INKA2: variants seen among roughly 807,000 people sequenced by gnomAD.
The protein encoded by INKA2 is PAK4-inhibitor INKA2.
INKA2 carries 3 observed loss-of-function variants against 9.8 expected under a neutral mutation model. The ratio of observed to expected loss-of-function variants is 0.31; its 90% CI spans 0.14 to 0.79. INKA2 has a LOEUF of 0.79. Among genes scored for constraint, INKA2 ranks in the 30% least tolerant of loss-of-function variants. The probability of loss-of-function intolerance (pLI) is 0.62; values close to 1 mark genes in which losing one functional copy is unlikely to be tolerated. For synonymous variants in INKA2, 147 were observed against 143.3 expected (o/e 1.03, Z -0.18); for missense variants, 392 against 384.4 (o/e 1.02, Z -0.17).
chr1:111,740,710 C>A (rs1557913643), upstream of INKA2, among the ~76,000 whole-genome samples: 1 of 152,092 alleles, frequency 6.6e-6, no homozygotes, highest in Non-Finnish European at 1.5e-5. Flanking sequence ...GGGTGGCGCA[C>A]GCCTGTAATC....
At chr1:111,745,973 G>A (rs144033861) in intron 1 of INKA2, 3 of 152,318 alleles carry the variant, frequency 2.0e-5, no homozygotes, top group East Asian at 1.9e-4. Context: ...ATGGGGTGAG[G>A]AGAAAAAGAG....
Position 111,722,827 on chromosome 1 carries a change from C to T in INKA2, c.*4141G>A, listed in dbSNP as rs1312923536. On this transcript the variant is annotated 3_prime_UTR_variant, in exon 2 of 2. Transcript: ENST00000357260. ...CTCAGAGAAAGCACTTTTTCTTAAG[C>T]ACTTTTGCCTTGGGTCACATGGTTA... 4 of 465,390 alleles carry T rather than the reference C, an allele frequency of 8.6e-6. No homozygotes were observed. In the South Asian group the frequency reaches 1.3e-4, roughly 15 times the overall value. 28.8% of individuals were successfully genotyped at this position (465,390 alleles called of 1,614,324 possible).
chr1:111,747,536 C>T (rs1157436530), intron 1 of INKA2: 1 of 152,438 alleles, frequency 6.6e-6, no homozygotes, highest in Non-Finnish European at 1.5e-5. Context: ...GCTCCTCTCT[C>T]TGCCTTCCCC....
chr1:111,739,169 G>T lies in INKA2; in HGVS notation c.57+17C>A, dbSNP rs772576127. 1.9e-6 allele frequency: 3 copies of T among 1,611,710 alleles called. No individual in the cohort carries two copies. The highest frequency in any genetic ancestry group is 1.7e-6 in the Non-Finnish European group (2 of 1,178,508). ...GCGGAGCAGCCCTCCCTGCCCCGGC[G>T]CCAGCTTCGCTCTTACCAGCTCCTG... is the stretch of plus-strand genomic sequence containing the variant. On this transcript the variant is annotated intron_variant, in intron 1 of 1. Coordinates refer to ENST00000357260, the MANE Select transcript of INKA2 (RefSeq NM_019099.5).
chr1:111,729,839 G>A (rs933374470), intron 1 of INKA2, among the ~76,000 whole-genome samples: 3 of 152,258 alleles, frequency 2.0e-5, no homozygotes, highest in Non-Finnish European at 4.4e-5. Flanking sequence ...CCCTGGGGGG[G>A]ATGGGAGATT....
chr1:111,743,358 G>C (rs1002812768), upstream of INKA2, among the ~76,000 whole-genome samples: 8 of 152,178 alleles, frequency 5.3e-5, no homozygotes, highest in Non-Finnish European at 1.2e-4. Flanking sequence ...TCCAGTGGTC[G>C]GTACTTTACC....
Position 111,725,862 on chromosome 1 carries a change from A to C in INKA2, c.*1106T>G. The C allele has an allele frequency of 3.1e-6, 1 of 321,232 alleles. No homozygotes were observed. The highest frequency in any genetic ancestry group is 5.6e-6 in the Non-Finnish European group (1 of 177,722). The allele number at this position is 321,232 out of a possible 1,614,324, so 19.9% of individuals were successfully genotyped here. ...ATTCTCCTGCCTCAGCCTCCCAAGT[A>C]GCTGGGTTTACAGGCGTGTGCCACC... On this transcript the variant is annotated 3_prime_UTR_variant, in exon 2 of 2. Coordinates refer to ENST00000357260, the MANE Select transcript of INKA2 (RefSeq NM_019099.5).
chr1:111,747,209 GA>G (rs1663293585), intron 1 of INKA2: 1 of 152,278 alleles, frequency 6.6e-6, no homozygotes, highest in African/African-American at 2.4e-5. Flanking sequence ...CCTGTTCAAT[GA>G]TATCAGATAG....
intron 1 of INKA2, among the ~76,000 whole-genome samples, chr1:111,735,582 A>G (rs1284727455): frequency 1.3e-5 from 2 of 152,202 alleles, no homozygotes; most frequent in African/African-American, 4.8e-5. Context: ...CCCATTGACC[A>G]CATTGCTTAA....
rs1662691012 is a variant in INKA2 at position 111,723,348 on chromosome 1, T to C, written c.*3620A>G. 3 of 472,100 alleles carry C rather than the reference T, an allele frequency of 6.4e-6. No individual in the cohort carries two copies. The highest frequency in any genetic ancestry group is 1.1e-5 in the Non-Finnish European group (3 of 268,430). The allele number at this position is 472,100 out of a possible 1,614,324, so 29.2% of individuals were successfully genotyped here. On this transcript the variant is annotated 3_prime_UTR_variant, in exon 2 of 2. Transcript: ENST00000357260. ...CCTGAGGGGCGGGGCACAAGGGAAGTGTCTGAGGGAGAGGGAAAAGAGAGG... is the reference window on the plus strand; with the variant it reads ...CCTGAGGGGCGGGGCACAAGGGAAGCGTCTGAGGGAGAGGGAAAAGAGAGG...
In INKA2 at chr1:111,727,189, G is replaced by A; in HGVS notation, c.673C>T (p.Leu225=). 1 of 1,614,232 alleles carries A rather than the reference G, an allele frequency of 6.2e-7. No individual in the cohort carries two copies. Among genetic ancestry groups the A allele is most frequent in the East Asian group, 2.2e-5 (1 of 44,880 alleles). ...LRSVRPDRDR[L]LKEKPGWVTP... The stretch of plus-strand genomic sequence containing the variant: ...ACCCAGCCTGGCTTCTCCTTCAGCA[G>A]CCGGTCACGGTCAGGCCGCACACTA... The change falls in exon 2 of 2, where the codon CTG becomes TTG. Residue 225 remains leucine (L), a synonymous_variant. Transcript: ENST00000357260.
upstream of INKA2, among the ~76,000 whole-genome samples, chr1:111,741,328 G>A (rs1365372098): frequency 2.0e-5 from 3 of 152,186 alleles, no homozygotes; most frequent in Non-Finnish European, 2.9e-5. Context: ...GAACTTGGTC[G>A]GTGACCGCTG....
intron 1 of INKA2, among the ~76,000 whole-genome samples, chr1:111,750,818 C>A (rs1482039244): frequency 2.0e-5 from 3 of 152,194 alleles, no homozygotes; most frequent in East Asian, 3.8e-4. Context: ...TAACACTACC[C>A]CCCTTTGGAA....
upstream of INKA2, chr1:111,739,883 T>G (rs770253597): frequency 1.3e-5 from 2 of 152,134 alleles, no homozygotes; most frequent in Non-Finnish European, 2.9e-5. Context: ...ACTCCTAGAG[T>G]GAAATCCTCG....
chr1:111,735,454 C>T (rs945516781), intron 1 of INKA2, among the ~76,000 whole-genome samples: 19 of 152,064 alleles, frequency 1.2e-4, no homozygotes, highest in African/African-American at 4.1e-4. Context: ...TTTTAAAACC[C>T]CCATTTTAGA....
At chr1:111,745,460 T>C (rs35569980) in intron 1 of INKA2, 5,351 of 147,874 alleles carry the variant, frequency 0.036, 132 homozygotes, top group East Asian at 0.074. Flanking sequence ...CCATGCCCAG[T>C]ATATATATAT....
intron 1 of INKA2, among the ~76,000 whole-genome samples, chr1:111,750,189 G>A (rs1028471293): frequency 6.6e-6 from 1 of 152,236 alleles, no homozygotes; most frequent in Non-Finnish European, 1.5e-5. Flanking sequence ...GCCTGAGGGA[G>A]GATCACCTGG....
intron 1 of INKA2, among the ~76,000 whole-genome samples, chr1:111,737,732 A>C (rs931029575): frequency 1.3e-5 from 2 of 152,234 alleles, no homozygotes; most frequent in Admixed American, 1.3e-4. Context: ...CAAGAAATTT[A>C]TCTCTGAGTC....
At chr1:111,735,175 C>T (rs1044152688) in intron 1 of INKA2, among the ~76,000 whole-genome samples, 1 of 152,082 alleles carries the variant, frequency 6.6e-6, no homozygotes, top group Non-Finnish European at 1.5e-5. Flanking sequence ...TCTATTAAAC[C>T]GTGTGTTCCC....
Sources: allele counts gnomAD v4.1 joint callset (sites outside exome capture counted in the v4.1 genomes callset), GRCh38; gene constraint gnomAD v4.1.1; transcripts MANE v1.5; gene names NCBI Gene and HGNC (gene_info 2026-07-23, HGNC 2026-07-21).